SYNE1: variants seen among roughly 807,000 people sequenced by gnomAD.
SYNE1 encodes the protein spectrin repeat containing nuclear envelope protein 1.
SYNE1 carries 616 observed loss-of-function variants against 1,111.0 expected under a neutral mutation model. The ratio of observed to expected loss-of-function variants is 0.55; its 90% confidence interval spans 0.52 to 0.59. SYNE1 has a LOEUF of 0.59. Among genes scored for constraint, SYNE1 ranks in the 20% least tolerant of loss-of-function variants. The pLI, the probability that SYNE1 is intolerant of heterozygous loss-of-function variation, is 0.00. For synonymous variants in SYNE1, 3,855 were observed against 3,825.8 expected (o/e 1.01, Z -0.28); for missense variants, 10,006 against 10,417.0 (o/e 0.96, Z 1.72).
intron 127 of SYNE1, among the ~76,000 whole-genome samples, chr6:152,199,836 A>G (rs2075030879): frequency 6.6e-6 from 1 of 152,238 alleles, no homozygotes; most frequent in Admixed American, 6.5e-5. Context: ...TTTGGGGAAG[A>G]GTAGCAGGAC....
chr6:152,154,799 T>G, intron 133 of SYNE1, 93 bp downstream of exon 133: 1 of 1,403,910 alleles, frequency 7.1e-7, no homozygotes, highest in Non-Finnish European at 1.0e-6. Context: ...AGATAACATG[T>G]GGTGAACAGC....
At chr6:152,291,803 A>C (rs905502833) in intron 95 of SYNE1, among the ~76,000 whole-genome samples, 6 of 152,180 alleles carry the variant, frequency 3.9e-5, no homozygotes, top group African/African-American at 1.4e-4. Flanking sequence ...CAAACTACTT[A>C]AACTTTCTGC....
At chr6:152,398,588 G>A in intron 49 of SYNE1, 31 bp downstream of exon 49, 1 of 1,584,470 alleles carries the variant, frequency 6.3e-7, no homozygotes, top group Non-Finnish European at 8.7e-7. Flanking sequence ...TACATTTTGG[G>A]GAAGAAGGAA....
intron 54 of SYNE1, among the ~76,000 whole-genome samples, chr6:152,386,489 G>A (rs2097528302): frequency 6.6e-6 from 1 of 151,560 alleles, no homozygotes; most frequent in Non-Finnish European, 1.5e-5. Context: ...CCAAAGAAAA[G>A]AAAAAGCAGC....
At position 152,510,294 on chromosome 6, in the gene SYNE1, G is replaced by C. The variant is rs1284569482; in HGVS notation, c.480C>G (p.Ser160Arg). The C allele has an allele frequency of 6.2e-7, 1 of 1,613,970 alleles. No homozygotes were observed. The highest frequency in any genetic ancestry group is 8.5e-7 in the Non-Finnish European group (1 of 1,179,996). Reference sequence around the variant, plus strand: ...TACTTGGTGGGCTGGGAGTCTCAGAGCTAACTATGCTGTCCACGGAGGATG... The same window carrying C: ...TACTTGGTGGGCTGGGAGTCTCAGACCTAACTATGCTGTCCACGGAGGATG... ...SSASSVDSIV[S>R]SETPSPPSKR... The change falls in exon 8 of 146, where the codon AGC becomes AGG. Residue 160 changes from serine to arginine, a missense_variant. Transcript: ENST00000367255.
chr6:152,610,449 A>G (rs567968515), intron 3 of SYNE1, among the ~76,000 whole-genome samples: 7 of 152,312 alleles, frequency 4.6e-5, no homozygotes, highest in African/African-American at 1.7e-4. Context: ...CTAGAGAAAA[A>G]AAAGTAAAAA....
intron 3 of SYNE1, among the ~76,000 whole-genome samples, chr6:152,595,021 T>C (rs2099576983): frequency 6.6e-6 from 1 of 152,190 alleles, no homozygotes; most frequent in African/African-American, 2.4e-5. Flanking sequence ...AAAACTCCAA[T>C]AGCCTGGATG....
At chr6:152,583,224 C>T (rs774133731) in intron 3 of SYNE1, among the ~76,000 whole-genome samples, 1 of 152,170 alleles carries the variant, frequency 6.6e-6, no homozygotes, top group Non-Finnish European at 1.5e-5. Context: ...TGTGTTGGGA[C>T]TTCTAGTGTG....
At chr6:152,617,234 G>A (rs888005858) in intron 3 of SYNE1, among the ~76,000 whole-genome samples, 6 of 152,154 alleles carry the variant, frequency 3.9e-5, no homozygotes, top group African/African-American at 1.4e-4. Flanking sequence ...GCTTTTTAAA[G>A]GGAAGGTGTT....
At chr6:152,189,227 A>T in intron 128 of SYNE1, 25 bp downstream of exon 128, 1 of 1,612,452 alleles carries the variant, frequency 6.2e-7, no homozygotes, top group Non-Finnish European at 8.5e-7. Context: ...CATCAAGATA[A>T]TTCCATTTTT....
intron 11 of SYNE1, among the ~76,000 whole-genome samples, chr6:152,491,781 C>T (rs1222764944): frequency 6.6e-6 from 1 of 152,030 alleles, no homozygotes; most frequent in African/African-American, 2.4e-5. Context: ...CTTCAGTCTC[C>T]ACCCCAAGCT....
chr6:152,158,802 T>A lies in SYNE1; in HGVS notation c.23791-2705A>T, dbSNP rs374984487. On this transcript the variant is annotated intron_variant, in intron 131 of 145. Coordinates refer to ENST00000367255, the MANE Select transcript of SYNE1 (RefSeq NM_182961.4). ...GTGTTAGGCCCCTGGACATAAACCATGCATTTAAGAAAGTTAGCATTTTTA... is the reference window on the plus strand; with the variant it reads ...GTGTTAGGCCCCTGGACATAAACCAAGCATTTAAGAAAGTTAGCATTTTTA... Among the ~76,000 whole-genome samples the A allele has an allele frequency of 5.9e-5, 9 of 152,364 alleles. No homozygotes were observed. The East Asian group carries it at 1.5e-3, about 26-fold the overall frequency.
At position 152,350,625 on chromosome 6, in the gene SYNE1, A is replaced by T. The variant is rs772794050; in HGVS notation, c.11726T>A (p.Ile3909Lys). 3.1e-6 allele frequency: 5 copies of T among 1,614,038 alleles called. No individual in the cohort carries two copies. Among genetic ancestry groups the T allele is most frequent in the Non-Finnish European group, 4.2e-6 (5 of 1,180,042 alleles). The change falls in exon 71 of 146, where the codon ATA becomes AAA. Residue 3909 changes from isoleucine (I) to lysine (K), a missense_variant. By Grantham distance (102) the Ile-to-Lys change is moderately radical. Coordinates refer to ENST00000367255, the MANE Select transcript of SYNE1 (RefSeq NM_182961.4). ...TCTTTCATCTCTCCTTACCTTTCCT[A>T]TGCTGCACAGGTCCTGGTAATCACT... ...LQSDYQDLCS[I>K]GKEHVFSLEA...
At chr6:152,254,117 G>A (rs2090215111) in intron 104 of SYNE1, among the ~76,000 whole-genome samples, 1 of 151,572 alleles carries the variant, frequency 6.6e-6, no homozygotes, top group Non-Finnish European at 1.5e-5. Context: ...AGTCTGAGGA[G>A]TTAGGACTGG....
intron 145 of SYNE1, among the ~76,000 whole-genome samples, chr6:152,123,814 C>T (rs934131927): frequency 2.0e-5 from 3 of 152,098 alleles, no homozygotes; most frequent in Non-Finnish European, 4.4e-5. Context: ...ATAATATGAG[C>T]GTGTGAAAGC....
intron 55 of SYNE1, 34 bp from the exon 56 acceptor site, chr6:152,381,396 C>G: frequency 6.2e-7 from 1 of 1,603,978 alleles, no homozygotes; most frequent in Middle Eastern, 1.7e-4. Context: ...AACTGAAGAG[C>G]CTGTGAGTCA....
rs2059902237 is a variant in SYNE1, at chr6:152,148,640, T to C, written c.24643-262A>G. 6.6e-6 allele frequency among the ~76,000 whole-genome samples: 1 copy of C among 150,640 alleles called. No individual in the cohort carries two copies. The highest frequency in any genetic ancestry group is 6.7e-5 in the Admixed American group (1 of 15,006). ...GGCCTCAGTTTTCTCATCTATAAAATGGGAATAACAGTCCCAGGCATCCCA... is the reference window on the plus strand; with the variant it reads ...GGCCTCAGTTTTCTCATCTATAAAACGGGAATAACAGTCCCAGGCATCCCA... On this transcript the variant is annotated intron_variant, in intron 136 of 145. Transcript: ENST00000367255. The surrounding 1 kb of genome is among the most constrained non-coding windows in gnomAD (Gnocchi z 4.1).
chr6:152,230,538 A>T lies in SYNE1; in HGVS notation c.21195+9T>A, dbSNP rs758538505. On this transcript the variant is annotated intron_variant, in intron 115 of 145. Transcript: ENST00000367255. ...GAGATGGTGCATGTTAGCCACCTGGACAAGTTACCTGACAGTCTTTCAGTG... is the reference window on the plus strand; with the variant it reads ...GAGATGGTGCATGTTAGCCACCTGGTCAAGTTACCTGACAGTCTTTCAGTG... The T allele has an allele frequency of 6.2e-7, 1 of 1,614,004 alleles. No homozygotes were observed.
intron 131 of SYNE1, among the ~76,000 whole-genome samples, chr6:152,160,511 A>G (rs2062253042): frequency 6.6e-6 from 1 of 151,954 alleles, no homozygotes; most frequent in Non-Finnish European, 1.5e-5. Context: ...CTTTCTCCTG[A>G]GTTGAATAGC....
Sources: gnomAD v4.1 joint callset for allele counts (sites outside exome capture counted in the v4.1 genomes callset) on GRCh38, gnomAD v4.1.1 for gene constraint, Gnocchi (gnomAD v3.1) non-coding constraint, MANE v1.5 for transcripts, NCBI Gene and HGNC (gene_info 2026-07-23, HGNC 2026-07-21) for gene names.